The following CNBD1 variants were observed in gnomAD, a reference collection of about 807,000 sequenced individuals.
CNBD1 encodes the protein cyclic nucleotide binding domain containing 1.
Under a neutral mutation model 54.4 loss-of-function variants are expected in CNBD1, and 71 were observed. That is an observed-to-expected ratio of 1.30 (90% CI 1.08 to 1.59). The LOEUF is 1.59. Ranked by LOEUF, CNBD1 falls within the 40% of genes most tolerant of loss-of-function variation. The pLI, the probability that CNBD1 is intolerant of heterozygous loss-of-function variation, is 0.00. For missense variants in CNBD1, 659 were observed against 518.0 expected (o/e 1.27, Z -2.64); for synonymous variants, 182 against 170.7 (o/e 1.07, Z -0.51).
chr8:87,274,888 A>C lies in CNBD1; in HGVS notation c.772-9790A>C, dbSNP rs1476073783. On this transcript the variant is annotated intron_variant, in intron 6 of 10. Transcript: ENST00000518476. Reference sequence around the variant, plus strand: ...GTAATTTTAGCCTAGGTTTTCTTCTAGGGTTTTTATGGTTTTAGGTGTAAC... The same window carrying C: ...GTAATTTTAGCCTAGGTTTTCTTCTCGGGTTTTTATGGTTTTAGGTGTAAC... 1.5e-5 allele frequency among the ~76,000 whole-genome samples: 2 copies of C among 134,344 alleles called. 1 individual carries two copies. Among genetic ancestry groups the C allele is most frequent in the African/African-American group, 6.1e-5 (2 of 32,952 alleles). 88.1% of individuals were successfully genotyped at this position (134,344 alleles called of 152,430 possible).
intron 5 of CNBD1, among the ~76,000 whole-genome samples, chr8:87,233,632 T>G (rs1245887140): frequency 6.6e-6 from 1 of 151,492 alleles, no homozygotes; most frequent in Middle Eastern, 3.4e-3. Flanking sequence ...TTGCAGCAAA[T>G]TCTCTCTCTC....
intron 6 of CNBD1, among the ~76,000 whole-genome samples, chr8:87,283,036 C>G (rs951023625): frequency 6.6e-6 from 1 of 152,032 alleles, no homozygotes; most frequent in African/African-American, 2.4e-5. Flanking sequence ...TCAGTTTCTT[C>G]TAGAATTTCT....
At chr8:86,925,482 A>AGAGTGTGT (rs1224095733) in intron 3 of CNBD1, among the ~76,000 whole-genome samples, 352 of 141,804 alleles carry the variant, frequency 2.5e-3, no homozygotes, top group African/African-American at 8.5e-3. Flanking sequence ...CTTACCAAAA[A>AGAGTGTGT]GTGTGTGTGT....
intron 10 of CNBD1, among the ~76,000 whole-genome samples, chr8:87,377,545 T>C (rs1810975097): frequency 6.6e-6 from 1 of 151,950 alleles, no homozygotes; most frequent in Non-Finnish European, 1.5e-5. Context: ...CTTAATCCAG[T>C]CTATCATTGT....
intron 1 of CNBD1, 48 bp downstream of exon 1, chr8:86,866,631 AGCGGTTCT>A: frequency 7.1e-7 from 1 of 1,411,702 alleles, no homozygotes. Flanking sequence ...CATTGTTTTC[AGCGGTTCT>A]TACCCCAGCT....
At chr8:87,327,235 C>T (rs538729914) in intron 8 of CNBD1, among the ~76,000 whole-genome samples, 1 of 146,836 alleles carries the variant, frequency 6.8e-6, no homozygotes, top group East Asian at 2.0e-4. Flanking sequence ...TTTAAGTCTG[C>T]AGAGGTTACT....
intron 4 of CNBD1, among the ~76,000 whole-genome samples, chr8:87,056,785 A>T (rs2088783477): frequency 6.6e-6 from 1 of 152,140 alleles, no homozygotes; most frequent in African/African-American, 2.4e-5. Context: ...TTTTTTACCA[A>T]ATTAAAATAT....
intron 3 of CNBD1, among the ~76,000 whole-genome samples, chr8:86,935,091 A>G (rs1809523141): frequency 6.6e-6 from 1 of 151,964 alleles, no homozygotes; most frequent in South Asian, 2.1e-4. Flanking sequence ...GCTGGAGTGC[A>G]ATGGCGTGAT....
At chr8:87,317,617 A>G (rs1300454283) in intron 8 of CNBD1, among the ~76,000 whole-genome samples, 1 of 151,732 alleles carries the variant, frequency 6.6e-6, no homozygotes, top group East Asian at 1.9e-4. Flanking sequence ...CATGTTTTGT[A>G]TTATTTGAAT....
intron 2 of CNBD1, among the ~76,000 whole-genome samples, chr8:87,421,425 CT>C (rs1284428126): frequency 1.7e-5 from 2 of 120,402 alleles, no homozygotes; most frequent in Non-Finnish European, 1.8e-5. Context: ...CCCTCCCCCC[CT>C]CCCCCCACCC....
intron 4 of CNBD1, among the ~76,000 whole-genome samples, chr8:87,033,582 T>A (rs956288927): frequency 6.6e-6 from 1 of 152,178 alleles, no homozygotes; most frequent in Non-Finnish European, 1.5e-5. Context: ...TAAACCCAAA[T>A]GAATTGCACA....
intron 3 of CNBD1, among the ~76,000 whole-genome samples, chr8:86,931,174 G>C (rs375233850): frequency 6.6e-6 from 1 of 152,208 alleles, no homozygotes; most frequent in Non-Finnish European, 1.5e-5. Flanking sequence ...GCTGTCCCGG[G>C]ATTCCTCAGA....
At chr8:87,049,659 G>A (rs181711331) in intron 4 of CNBD1, among the ~76,000 whole-genome samples, 1 of 152,164 alleles carries the variant, frequency 6.6e-6, no homozygotes, top group Non-Finnish European at 1.5e-5. Context: ...ATCATGTTCA[G>A]GTTCTCTGGT....
intron 4 of CNBD1, among the ~76,000 whole-genome samples, chr8:87,165,890 AT>A (rs2130763788): frequency 6.6e-6 from 1 of 152,060 alleles, no homozygotes; most frequent in East Asian, 1.9e-4. Context: ...TTTTGTCTAC[AT>A]TTTTATGTCC....
rs115659530 is a variant in CNBD1, at chr8:87,164,646, C to T, written c.432-41347C>T. On this transcript the variant is annotated intron_variant, in intron 4 of 10. Coordinates refer to ENST00000518476, the MANE Select transcript of CNBD1 (RefSeq NM_173538.3). ...TGTGGTATCAGTCGTAATGTCTCCT[C>T]TTTAATTTATAATTTTATTTGAATC... Among the ~76,000 whole-genome samples the T allele has an allele frequency of 1.8e-3, 277 of 151,644 alleles. 1 individual carries two copies. Among genetic ancestry groups the T allele is most frequent in the Middle Eastern group, 6.8e-3 (2 of 292 alleles).
chr8:87,327,635 G>GAGGC (rs1364909218), intron 8 of CNBD1, among the ~76,000 whole-genome samples: 1 of 152,198 alleles, frequency 6.6e-6, no homozygotes, highest in Non-Finnish European at 1.5e-5. Context: ...CTTCCCAGGT[G>GAGGC]AGGCAGTGCC....
intron 2 of CNBD1, among the ~76,000 whole-genome samples, chr8:87,421,236 TTTTTA>T (rs1418682090): frequency 1.3e-5 from 2 of 151,742 alleles, no homozygotes; most frequent in Non-Finnish European, 2.9e-5. Context: ...CTTTTTTATT[TTTTTA>T]TTTATGTTCA....
At chr8:87,310,527 G>T (rs1186756612) in intron 8 of CNBD1, among the ~76,000 whole-genome samples, 2 of 152,110 alleles carry the variant, frequency 1.3e-5, no homozygotes, top group Admixed American at 1.3e-4. Flanking sequence ...TAGCTTGGAA[G>T]AATCAGTATT....
At chr8:87,188,685 C>T (rs1813532702) in intron 4 of CNBD1, among the ~76,000 whole-genome samples, 1 of 150,380 alleles carries the variant, frequency 6.6e-6, no homozygotes, top group Admixed American at 6.6e-5. Context: ...GAGATTATGC[C>T]ACTACAAGAT....
Sources: gnomAD v4.1 joint callset for allele counts (sites outside exome capture counted in the v4.1 genomes callset) on GRCh38, gnomAD v4.1.1 for gene constraint, MANE v1.5 for transcripts, NCBI Gene and HGNC (gene_info 2026-07-23, HGNC 2026-07-21) for gene names.